Variants in PRSS12 observed in about 807,000 individuals in gnomAD.
PRSS12 encodes neurotrypsin.
In PRSS12, 85 loss-of-function variants were observed where a neutral mutation model predicts 104.4. The ratio of observed to expected loss-of-function variants is 0.81; its 90% confidence interval spans 0.68 to 0.98. PRSS12 has a LOEUF of 0.98. Ranked by LOEUF, PRSS12 falls within the 50% of genes least tolerant of loss-of-function variation. PRSS12 has a pLI of 0.00. For missense variants in PRSS12, 1,141 were observed against 1,139.2 expected (o/e 1.00, Z -0.02); for synonymous variants, 454 against 425.2 (o/e 1.07, Z -0.83).
chr4:118,338,096 G>T, intron 2 of PRSS12, 80 bp downstream of exon 2: 1 of 1,553,922 alleles, frequency 6.4e-7, no homozygotes, highest in Non-Finnish European at 8.9e-7. Context: ...AAAGATACAA[G>T]CTTTACAAAG....
chr4:118,302,707 G>T (rs151217235), intron 8 of PRSS12, among the ~76,000 whole-genome samples: 1 of 152,152 alleles, frequency 6.6e-6, no homozygotes, highest in Non-Finnish European at 1.5e-5. Flanking sequence ...GATTACAGGC[G>T]TGAGCCACCG....
intron 8 of PRSS12, 151 bp from the exon 9 acceptor site, chr4:118,299,089 A>G (rs776219623): frequency 7.8e-6 from 7 of 899,690 alleles, no homozygotes; most frequent in Non-Finnish European, 1.2e-5. Context: ...GACTGTCAAA[A>G]AAAATTAAAT....
At chr4:118,343,760 A>G (rs1724276460) in intron 1 of PRSS12, among the ~76,000 whole-genome samples, 1 of 152,352 alleles carries the variant, frequency 6.6e-6, no homozygotes, top group South Asian at 2.1e-4. Context: ...TGTGGGGGGA[A>G]AAAATGCATG....
In PRSS12 at chr4:118,282,101, G is replaced by A; in HGVS notation, c.2463C>T (p.Cys821=). 1 of 1,614,134 alleles carries A rather than the reference G, an allele frequency of 6.2e-7. No homozygotes were observed. The highest frequency in any genetic ancestry group is 8.5e-7 in the Non-Finnish European group (1 of 1,180,026). The change falls in exon 13 of 13, where the codon TGC becomes TGT. Residue 821 remains cysteine (C), a synonymous_variant. Coordinates refer to ENST00000296498, the MANE Select transcript of PRSS12 (RefSeq NM_003619.4). ...TGAGTGGTCCTCCGCTGTCTCCCTG[G>A]CAGCTGTCCACGCGTTTGTGTTCAT... ...NLHEHKRVDS[C]QGDSGGPLMC...
Position 118,338,162 on chromosome 4 carries a change from A to C in PRSS12, c.641+14T>G. The C allele has an allele frequency of 1.9e-6, 3 of 1,613,906 alleles. No homozygotes were observed. The highest frequency in any genetic ancestry group is 1.7e-6 in the Non-Finnish European group (2 of 1,179,870). ...TACTAGCTGACTGATTTGGTCAGGGATGGGTACACTCACCCCAGCTGCAGC... is the reference window on the plus strand; with the variant it reads ...TACTAGCTGACTGATTTGGTCAGGGCTGGGTACACTCACCCCAGCTGCAGC... On this transcript the variant is annotated intron_variant, in intron 2 of 12. Coordinates refer to ENST00000296498, the MANE Select transcript of PRSS12 (RefSeq NM_003619.4).
intron 7 of PRSS12, chr4:118,312,966 G>A: frequency 1.8e-6 from 1 of 546,298 alleles, no homozygotes; most frequent in South Asian, 2.1e-5. Context: ...TTGTTAGTGA[G>A]GAACTTAATT....
chr4:118,313,082 T>A, intron 7 of PRSS12, 119 bp downstream of exon 7: 1 of 1,111,942 alleles, frequency 9.0e-7, no homozygotes, highest in Non-Finnish European at 1.3e-6. Flanking sequence ...ATTAGACAGT[T>A]ATGGGAAATA....
intron 6 of PRSS12, among the ~76,000 whole-genome samples, chr4:118,313,836 C>G (rs1426222966): frequency 6.6e-6 from 1 of 152,080 alleles, no homozygotes; most frequent in Non-Finnish European, 1.5e-5. Flanking sequence ...TGGATTAGTT[C>G]AGTGATTGCT....
intron 1 of PRSS12, among the ~76,000 whole-genome samples, chr4:118,349,988 C>T (rs1265379083): frequency 3.3e-5 from 5 of 151,682 alleles, no homozygotes; most frequent in South Asian, 4.2e-4. Flanking sequence ...GGGTGACAGA[C>T]GAAGACCCTT....
At chr4:118,300,435 T>G (rs548319823) in intron 8 of PRSS12, among the ~76,000 whole-genome samples, 1 of 152,296 alleles carries the variant, frequency 6.6e-6, no homozygotes, top group South Asian at 2.1e-4. Context: ...TACAAAAATA[T>G]TTAAATGAAA....
intron 4 of PRSS12, among the ~76,000 whole-genome samples, chr4:118,328,379 C>T (rs923546189): frequency 3.3e-5 from 5 of 152,158 alleles, no homozygotes; most frequent in African/African-American, 1.2e-4. Flanking sequence ...ATAGGAAAAG[C>T]AGCAATGAGC....
chr4:118,341,223 T>C (rs2126043954), intron 1 of PRSS12, among the ~76,000 whole-genome samples: 1 of 152,284 alleles, frequency 6.6e-6, no homozygotes, highest in Non-Finnish European at 1.5e-5. Context: ...AAAGGAAAAC[T>C]TGTTTCTGAG....
rs1437343498 is a variant in PRSS12, at chr4:118,331,714, A to T, written c.971+2T>A. The T allele has an allele frequency of 6.2e-7, 1 of 1,614,100 alleles. No individual in the cohort carries two copies. The highest frequency in any genetic ancestry group is 8.5e-7 in the Non-Finnish European group (1 of 1,180,006). On this transcript the variant is annotated splice_donor_variant, in intron 4 of 12. Transcript: ENST00000296498. LOFTEE classifies it high-confidence loss of function. ...AGCAAAACAAGAGTAGTAAAAACAAACCTGAGGCCCAGCTGCCTGCAGATC... is the reference window on the plus strand; with the variant it reads ...AGCAAAACAAGAGTAGTAAAAACAATCCTGAGGCCCAGCTGCCTGCAGATC...
chr4:118,323,125 C>G (rs757379225), intron 4 of PRSS12, among the ~76,000 whole-genome samples: 6 of 151,912 alleles, frequency 3.9e-5, no homozygotes, highest in Non-Finnish European at 5.9e-5. Context: ...TTTGCAGACC[C>G]CTGCTCTAGA....
chr4:118,335,491 T>A lies in PRSS12; in HGVS notation c.802A>T (p.Thr268Ser), dbSNP rs373872003. ...VCPQKMAAAV[T>S]CSFSHGPTFP... ...TTTTTACCATGGGAAAAGCTACACG[T>A]GACAGCAGCTGCCATCTTCTGAGGA... Residue 268 changes from threonine to serine, a missense_variant, in exon 3 of 13, where the codon ACG becomes TCG. Coordinates refer to ENST00000296498, the MANE Select transcript of PRSS12 (RefSeq NM_003619.4). 5.0e-6 allele frequency: 8 copies of A among 1,613,884 alleles called. No individual in the cohort carries two copies. In the African/African-American group the frequency reaches 9.3e-5, roughly 19 times the overall value.
chr4:118,295,202 C>A, intron 10 of PRSS12, 141 bp from the exon 11 acceptor site: 2 of 1,133,098 alleles, frequency 1.8e-6, no homozygotes, highest in East Asian at 5.2e-5. Flanking sequence ...CAGGATACAT[C>A]CCTTCCTACT....
At chr4:118,318,783 C>T (rs766279605) in intron 4 of PRSS12, among the ~76,000 whole-genome samples, 3 of 152,144 alleles carry the variant, frequency 2.0e-5, no homozygotes, top group Non-Finnish European at 2.9e-5. Flanking sequence ...TATTTAACCT[C>T]CTTTTCTTCA....
chr4:118,299,530 T>A (rs1021812837), intron 8 of PRSS12, among the ~76,000 whole-genome samples: 3 of 151,106 alleles, frequency 2.0e-5, no homozygotes, highest in African/African-American at 7.3e-5. Flanking sequence ...AATACAAAAA[T>A]TTAGCTGGGC....
At chr4:118,343,671 G>T (rs1261526814) in intron 1 of PRSS12, among the ~76,000 whole-genome samples, 1 of 152,142 alleles carries the variant, frequency 6.6e-6, no homozygotes, top group Admixed American at 6.6e-5. Context: ...GCAAATGATC[G>T]CTTGAGCCCA....
Sources: allele counts gnomAD v4.1 joint callset (sites outside exome capture counted in the v4.1 genomes callset), GRCh38; gene constraint gnomAD v4.1.1; transcripts MANE v1.5; gene names NCBI Gene and HGNC (gene_info 2026-07-23, HGNC 2026-07-21).